Variants in GLDC observed in about 807,000 individuals in gnomAD.
GLDC encodes glycine decarboxylase.
A neutral mutation model predicts 121.3 loss-of-function variants in GLDC; 104 were observed. The observed-to-expected ratio is 0.86, with a 90% CI of 0.73 to 1.01. GLDC has a LOEUF of 1.01. Among genes scored for constraint, GLDC ranks in the 50% least tolerant of loss-of-function variants. The probability of loss-of-function intolerance (pLI) is 0.00; values close to 1 mark genes in which losing one functional copy is unlikely to be tolerated. For missense variants in GLDC, 1,429 were observed against 1,306.6 expected (o/e 1.09, Z -1.44); for synonymous variants, 546 against 480.6 (o/e 1.14, Z -1.78).
At chr9:6,644,517 TGAGCAATCCTTACCCCA>T (rs1819698435) in intron 2 of GLDC, 80 bp downstream of exon 2, 1 of 826,726 alleles carries the variant, frequency 1.2e-6, no homozygotes, top group Admixed American at 1.8e-5. Context: ...TTCCCAGTCC[TGAGCAATCCTTACCCCA>T]GAGCTCGATT....
chr9:6,605,154 C>A lies in GLDC; in HGVS notation c.838G>T (p.Val280Leu). 1 of 1,612,940 alleles carries A rather than the reference C, an allele frequency of 6.2e-7. No homozygotes were observed. Among genetic ancestry groups the A allele is most frequent in the Non-Finnish European group, 8.5e-7 (1 of 1,179,972 alleles). Reference sequence around the variant, plus strand: ...ACCCCACTCTGATGAGCTCTCTCCACGAGTTCCGTAAAGTCTTCCACCTTC... The same window carrying A: ...ACCCCACTCTGATGAGCTCTCTCCAAGAGTTCCGTAAAGTCTTCCACCTTC... ...EGKVEDFTEL[V>L]ERAHQSGSLA... The change falls in exon 6 of 25, where the codon GTG becomes TTG. Residue 280 changes from valine (V) to leucine (L), a missense_variant. Coordinates refer to ENST00000321612, the MANE Select transcript of GLDC (RefSeq NM_000170.3).
intron 2 of GLDC, among the ~76,000 whole-genome samples, chr9:6,621,962 A>G (rs1819105219): frequency 1.3e-5 from 2 of 152,212 alleles, no homozygotes; most frequent in Admixed American, 1.3e-4. Context: ...TTGGGGACTC[A>G]GTCACTTAAC....
intron 16 of GLDC, among the ~76,000 whole-genome samples, chr9:6,564,725 C>A (rs191017980): frequency 8.5e-4 from 130 of 152,362 alleles, no homozygotes; most frequent in Non-Finnish European, 1.4e-3. Context: ...ACAGGCACTG[C>A]CCCTGGGGGG....
At chr9:6,540,422 ATTAC>A (rs745899911) in intron 21 of GLDC, 2 of 438,368 alleles carry the variant, frequency 4.6e-6, no homozygotes, top group Non-Finnish European at 8.4e-6. Flanking sequence ...GGTGGGGGGC[ATTAC>A]TGAACATATG....
At chr9:6,629,116 C>T (rs924696386) in intron 2 of GLDC, among the ~76,000 whole-genome samples, 1 of 151,910 alleles carries the variant, frequency 6.6e-6, no homozygotes, top group East Asian at 1.9e-4. Context: ...CCTTCTATAG[C>T]AACTCCTTTG....
chr9:6,635,394 C>T (rs1446147581), intron 2 of GLDC, among the ~76,000 whole-genome samples: 1 of 152,168 alleles, frequency 6.6e-6, no homozygotes, highest in Non-Finnish European at 1.5e-5. Flanking sequence ...CAGTCTAGGG[C>T]ACTTTATGTA....
At chr9:6,619,060 T>C (rs774550483) in intron 3 of GLDC, among the ~76,000 whole-genome samples, 9 of 145,252 alleles carry the variant, frequency 6.2e-5, no homozygotes, top group Non-Finnish European at 1.2e-4. Context: ...GGAGAATCAC[T>C]TGAACTCGAA....
At chr9:6,579,355 C>T (rs955138568) in intron 15 of GLDC, among the ~76,000 whole-genome samples, 2 of 152,038 alleles carry the variant, frequency 1.3e-5, no homozygotes, top group Admixed American at 1.3e-4. Context: ...TCCATGTTCT[C>T]ATCCCCAAAT....
At position 6,589,236 on chromosome 9, in the gene GLDC, G is replaced by C. The variant is rs762831617; in HGVS notation, c.1539C>G (p.Phe513Leu). Residue 513 changes from phenylalanine to leucine, a missense_variant, in exon 12 of 25, where the codon TTC becomes TTG. Phe to Leu is a conservative substitution (Grantham distance 22). Coordinates refer to ENST00000321612, the MANE Select transcript of GLDC (RefSeq NM_000170.3). ...EECRGIPGSV[F>L]KRTSPFLTHQ... ...GGGTGAGGAACGGGCTGGTCCTCTT[G>C]AACACAGACCCTGGAATACCTCTGC... is the stretch of plus-strand genomic sequence containing the variant. 17 of 1,611,044 alleles carry C rather than the reference G, an allele frequency of 1.1e-5. No homozygotes were observed. The highest frequency in any genetic ancestry group is 1.4e-5 in the Non-Finnish European group (16 of 1,177,430).
At chr9:6,574,484 A>T (rs1361812307) in intron 15 of GLDC, among the ~76,000 whole-genome samples, 1 of 151,888 alleles carries the variant, frequency 6.6e-6, no homozygotes, top group Non-Finnish European at 1.5e-5. Flanking sequence ...AAAACAAAGA[A>T]AAGAAAAAAA....
intron 20 of GLDC, 85 bp from the exon 21 acceptor site, chr9:6,550,999 A>T (rs913810887): frequency 1.2e-6 from 1 of 862,646 alleles, no homozygotes; most frequent in Non-Finnish European, 2.0e-6. Context: ...CCCCCAGATA[A>T]ACTCCACCCA....
chr9:6,635,953 G>C (rs1819493903), intron 2 of GLDC, among the ~76,000 whole-genome samples: 1 of 152,114 alleles, frequency 6.6e-6, no homozygotes, highest in Non-Finnish European at 1.5e-5. Flanking sequence ...TTATACTACA[G>C]TTGTCTAAAC....
chr9:6,612,253 TCA>T (rs111819532), intron 3 of GLDC, among the ~76,000 whole-genome samples: 3 of 150,002 alleles, frequency 2.0e-5, no homozygotes, highest in Non-Finnish European at 3.0e-5. Flanking sequence ...TCTCTCTCTC[TCA>T]CACACACTCA....
At chr9:6,558,320 G>A in intron 17 of GLDC, 1 of 624,464 alleles carries the variant, frequency 1.6e-6, no homozygotes, top group Non-Finnish European at 2.8e-6. Context: ...GGTTCTGCAA[G>A]GAGTACTCTT....
At chr9:6,581,570 T>C (rs1663059286) in intron 15 of GLDC, among the ~76,000 whole-genome samples, 4 of 152,158 alleles carry the variant, frequency 2.6e-5, no homozygotes, top group Admixed American at 2.0e-4. Context: ...GCATTTCCAG[T>C]GCAAAGGCCT....
chr9:6,602,086 G>C (rs779534850), intron 8 of GLDC, 23 bp downstream of exon 8: 2 of 1,362,396 alleles, frequency 1.5e-6, no homozygotes, highest in African/African-American at 1.4e-5. Flanking sequence ...GCATTCAGTA[G>C]TCAGGTCAGA....
At chr9:6,589,724 G>A (rs947249678) in intron 11 of GLDC, among the ~76,000 whole-genome samples, 1 of 152,084 alleles carries the variant, frequency 6.6e-6, no homozygotes, top group African/African-American at 2.4e-5. Flanking sequence ...ACTGAGCCTG[G>A]CCAAAGATGT....
chr9:6,620,782 A>T (rs1346037822), intron 2 of GLDC, among the ~76,000 whole-genome samples: 2 of 152,190 alleles, frequency 1.3e-5, no homozygotes, highest in Non-Finnish European at 2.9e-5. Context: ...AAATTGTTCT[A>T]CTCAGTTGCA....
At chr9:6,606,693 C>T (rs1174740917) in intron 4 of GLDC, 24 bp from the exon 5 acceptor site, 2 of 1,331,934 alleles carry the variant, frequency 1.5e-6, no homozygotes, top group Admixed American at 3.4e-5. Flanking sequence ...AAAGCACATT[C>T]CAACGTGAAC....
Sources: allele counts gnomAD v4.1 joint callset (sites outside exome capture counted in the v4.1 genomes callset), GRCh38; gene constraint gnomAD v4.1.1; transcripts MANE v1.5; gene names NCBI Gene and HGNC (gene_info 2026-07-23, HGNC 2026-07-21).